The following SND1 variants were observed in gnomAD, a reference collection of about 807,000 sequenced individuals.
SND1 encodes the protein staphylococcal nuclease domain-containing protein 1.
Under a neutral mutation model 121.7 loss-of-function variants are expected in SND1, and 38 were observed. The observed-to-expected ratio is 0.31, with a 90% confidence interval of 0.24 to 0.41. SND1 has a LOEUF of 0.41. Among genes scored for constraint, SND1 ranks in the 10% least tolerant of loss-of-function variants. The pLI is 1.00. For synonymous variants in SND1, 401 were observed against 447.4 expected (o/e 0.90, Z 1.31); for missense variants, 868 against 1,184.6 (o/e 0.73, Z 3.92).
At chr7:128,065,303 C>T (rs138353083) in intron 16 of SND1, among the ~76,000 whole-genome samples, 13 of 152,020 alleles carry the variant, frequency 8.6e-5, no homozygotes, top group Admixed American at 3.9e-4. Context: ...TGTGGGTCTC[C>T]GTGGGAAACC....
intron 14 of SND1, among the ~76,000 whole-genome samples, chr7:127,908,318 ATGTGTGTGTGTGTGTGTGTG>A (rs10579969): frequency 2.9e-5 from 4 of 138,484 alleles, no homozygotes; most frequent in Non-Finnish European, 4.6e-5. Context: ...ATAATAATAA[ATGTGTGTGTGTGTGTGTGTG>A]TGTGTGTGTG....
chr7:128,044,026 T>C (rs1222440152), intron 16 of SND1, among the ~76,000 whole-genome samples: 2 of 152,188 alleles, frequency 1.3e-5, no homozygotes, highest in African/African-American at 4.8e-5. Context: ...TGAGAGAGGC[T>C]GTGTCTGGGG....
chr7:127,763,502 A>G (rs925741507), intron 10 of SND1, among the ~76,000 whole-genome samples: 11 of 152,256 alleles, frequency 7.2e-5, no homozygotes, highest in Middle Eastern at 3.4e-3. Context: ...GCACACTACC[A>G]TGCCCAGCTA....
chr7:128,038,814 A>T (rs1009776065), intron 16 of SND1, among the ~76,000 whole-genome samples: 5 of 152,186 alleles, frequency 3.3e-5, no homozygotes, highest in East Asian at 1.9e-4. Context: ...ACATTTATTC[A>T]AAACTAAGAA....
At chr7:127,705,052 T>A in intron 8 of SND1, 107 bp downstream of exon 8, 1 of 908,800 alleles carries the variant, frequency 1.1e-6, no homozygotes, top group Non-Finnish European at 1.8e-6. Context: ...TTCATTTTAC[T>A]TCAGTAAAGG....
chr7:127,858,068 C>T, intron 12 of SND1: 2 of 1,130,852 alleles, frequency 1.8e-6, no homozygotes, highest in South Asian at 2.5e-5. Flanking sequence ...TCTGCTTCTC[C>T]TCTCTGGGTA....
Position 127,669,000 on chromosome 7 carries a change from C to CT in SND1, c.78+16559dup, listed in dbSNP as rs1030538578. On this transcript the variant is annotated intron_variant, in intron 1 of 23. Coordinates refer to ENST00000354725, the MANE Select transcript of SND1 (RefSeq NM_014390.4). ...CAGATTCCCTCAGCAGTGCCTCCCC[C>CT]TTTTTTTTTTGAGACGGAGTCTTGC... 8.5e-4 allele frequency among the ~76,000 whole-genome samples: 127 copies of CT among 149,374 alleles called. 1 individual carries two copies. The East Asian group carries it at 9.0e-3, about 11-fold the overall frequency.
chr7:128,088,446 CTTT>C (rs1047161140), intron 21 of SND1, among the ~76,000 whole-genome samples: 3 of 80,154 alleles, frequency 3.7e-5, no homozygotes, highest in South Asian at 4.8e-4. Context: ...CCCTATCTCT[CTTT>C]TTTTTTTTTT....
rs1052518748 is a variant in SND1 at position 128,052,919 on chromosome 7, T to G, written c.1780-21583T>G. Among the ~76,000 whole-genome samples, 1 of 152,236 alleles carries G rather than the reference T, an allele frequency of 6.6e-6. No homozygotes were observed. Among genetic ancestry groups the G allele is most frequent in the African/African-American group, 2.4e-5 (1 of 41,468 alleles). On this transcript the variant is annotated intron_variant, in intron 16 of 23. Coordinates refer to ENST00000354725, the MANE Select transcript of SND1 (RefSeq NM_014390.4). This position sits in a 1 kb window ranked among gnomAD's most constrained non-coding sequence, Gnocchi z 4.6. Reference sequence around the variant, plus strand: ...TAGTTTAGAGCTGGTACCTACTGTATGGATAGTGCAAGTCTAGAACACACA... The same window carrying G: ...TAGTTTAGAGCTGGTACCTACTGTAGGGATAGTGCAAGTCTAGAACACACA...
chr7:127,794,590 G>C (rs1222524290), intron 10 of SND1, among the ~76,000 whole-genome samples: 1 of 152,194 alleles, frequency 6.6e-6, no homozygotes, highest in Non-Finnish European at 1.5e-5. Context: ...CGCTCCTTCT[G>C]TCTGTTACAG....
At chr7:127,665,027 C>T (rs1795388203) in intron 1 of SND1, among the ~76,000 whole-genome samples, 1 of 152,064 alleles carries the variant, frequency 6.6e-6, no homozygotes, top group Admixed American at 6.6e-5. Flanking sequence ...TATCACTGGA[C>T]CAGGGGATCT....
At chr7:127,887,861 A>G (rs770454909) in intron 12 of SND1, 41 bp from the exon 13 acceptor site, 5 of 1,332,702 alleles carry the variant, frequency 3.8e-6, no homozygotes, top group Admixed American at 1.7e-5. Context: ...TGAGCCCCAT[A>G]TGCACTTCTA....
At chr7:127,750,299 T>C (rs530447119) in intron 10 of SND1, among the ~76,000 whole-genome samples, 7 of 152,316 alleles carry the variant, frequency 4.6e-5, no homozygotes, top group African/African-American at 1.7e-4. Flanking sequence ...AGGTCTTCCC[T>C]ATGCTGGTTC....
intron 15 of SND1, among the ~76,000 whole-genome samples, chr7:127,986,051 C>A (rs998357024): frequency 2.0e-4 from 30 of 152,302 alleles, no homozygotes; most frequent in South Asian, 4.1e-4. Flanking sequence ...CTTCCCTTAG[C>A]TCCCACTGCC....
At chr7:127,952,795 A>G (rs561421507) in intron 15 of SND1, among the ~76,000 whole-genome samples, 1 of 152,210 alleles carries the variant, frequency 6.6e-6, no homozygotes, top group Non-Finnish European at 1.5e-5. Flanking sequence ...CCTGTAAAAC[A>G]TCTTTTATCA....
intron 12 of SND1, among the ~76,000 whole-genome samples, chr7:127,847,600 A>G (rs1312013291): frequency 6.6e-6 from 1 of 152,214 alleles, no homozygotes; most frequent in African/African-American, 2.4e-5. Context: ...AAAAACACTA[A>G]TTATAGAACC....
At chr7:127,804,722 A>G (rs959935926) in intron 10 of SND1, among the ~76,000 whole-genome samples, 1 of 149,964 alleles carries the variant, frequency 6.7e-6, no homozygotes, top group Non-Finnish European at 1.5e-5. Flanking sequence ...CCTGAGCAAC[A>G]TAGTAAGACC....
chr7:128,007,748 A>G lies in SND1; in HGVS notation c.1779+16692A>G, dbSNP rs79732438. On this transcript the variant is annotated intron_variant, in intron 16 of 23. Transcript: ENST00000354725. ...TAGGAATGGAAATCTACATTTCTCC[A>G]AAGAGCATTGAGTGCAAAGATAAAA... 6.0e-3 allele frequency among the ~76,000 whole-genome samples: 912 copies of G among 152,360 alleles called. 34 individuals carry two copies. Among genetic ancestry groups the G allele is most frequent in the East Asian group, 0.046 (240 of 5,190 alleles).
At chr7:128,041,650 T>G (rs17151682) in intron 16 of SND1, among the ~76,000 whole-genome samples, 31,592 of 152,234 alleles carry the variant, frequency 0.21, 3,736 homozygotes, top group Middle Eastern at 0.29. Flanking sequence ...TGTCCCCAGT[T>G]TGTTGGTTGG....
Sources: allele counts gnomAD v4.1 joint callset (sites outside exome capture counted in the v4.1 genomes callset), GRCh38; gene constraint gnomAD v4.1.1; non-coding constraint Gnocchi (gnomAD v3.1); transcripts MANE v1.5; gene names NCBI Gene and HGNC (gene_info 2026-07-23, HGNC 2026-07-21).